ACACB: variants seen among roughly 807,000 people sequenced by gnomAD.
ACACB encodes the protein acetyl-CoA carboxylase 2.
Under a neutral mutation model 278.8 loss-of-function variants are expected in ACACB, and 209 were observed. That is an observed-to-expected ratio of 0.75 (90% confidence interval 0.67 to 0.84). The LOEUF (loss-of-function observed/expected upper bound fraction) is 0.84. Ranked by LOEUF, ACACB falls within the 40% of genes least tolerant of loss-of-function variation. The pLI is 0.00. For synonymous variants in ACACB, 1,174 were observed against 1,285.6 expected (o/e 0.91, Z 1.86); for missense variants, 2,850 against 3,269.0 (o/e 0.87, Z 3.13).
intron 18 of ACACB, among the ~76,000 whole-genome samples, 190 bp from the exon 19 acceptor site, chr12:109,201,377 T>G (rs761094124): frequency 2.6e-5 from 4 of 152,194 alleles, no homozygotes; most frequent in African/African-American, 4.8e-5. Context: ...GGCACTTGCC[T>G]GGCACTTAGC....
intron 16 of ACACB, among the ~76,000 whole-genome samples, chr12:109,196,673 G>T (rs2045141077): frequency 6.6e-6 from 1 of 152,166 alleles, no homozygotes; most frequent in Admixed American, 6.5e-5. Flanking sequence ...GAGTCTCCAG[G>T]GCTGCCTCAC....
intron 22 of ACACB, among the ~76,000 whole-genome samples, chr12:109,214,314 C>G (rs2045932767): frequency 6.6e-6 from 1 of 152,058 alleles, no homozygotes; most frequent in South Asian, 2.1e-4. Context: ...CCAGTAAATT[C>G]CAGGCATGTT....
At position 109,139,409 on chromosome 12, in the gene ACACB, G is replaced by A; in HGVS notation, c.4G>A (p.Val2Ile). 1 of 1,611,422 alleles carries A rather than the reference G, an allele frequency of 6.2e-7. No homozygotes were observed. Among genetic ancestry groups the A allele is most frequent in the Admixed American group, 1.7e-5 (1 of 59,528 alleles). Residue 2 changes from valine to isoleucine, a missense_variant, in exon 2 of 53, where the codon GTC (valine) becomes ATC (isoleucine). Transcript: ENST00000338432. ...TTTCTCCTTACAGATTTTCTGAATG[G>A]TCTTGCTTCTTTGTCTATCTTGTCT... The part of the protein sequence containing the change: M[V>I]LLLCLSCLIF...
chr12:109,193,224 T>G (rs1227381931), intron 15 of ACACB, among the ~76,000 whole-genome samples: 1 of 146,940 alleles, frequency 6.8e-6, no homozygotes, highest in East Asian at 1.9e-4. Context: ...AGCCTTTTTT[T>G]TTTTTTTTTT....
chr12:109,115,990 A>G (rs1223774827), upstream of ACACB, among the ~76,000 whole-genome samples: 1 of 152,232 alleles, frequency 6.6e-6, no homozygotes, highest in Non-Finnish European at 1.5e-5. Flanking sequence ...TTTGTCCCAC[A>G]TGCCAGCCCT....
At chr12:109,143,878 G>A (rs948740192) in intron 2 of ACACB, among the ~76,000 whole-genome samples, 4 of 152,114 alleles carry the variant, frequency 2.6e-5, no homozygotes, top group South Asian at 2.1e-4. Context: ...TGGAAACAAC[G>A]CATATCAAAA....
chr12:109,123,195 A>T (rs1054125248), intron 1 of ACACB, among the ~76,000 whole-genome samples: 46 of 151,734 alleles, frequency 3.0e-4, no homozygotes, highest in Middle Eastern at 3.4e-3. Flanking sequence ...AAAAAAAAAA[A>T]ATTTTTAAAC....
At chr12:109,230,579 C>T (rs1317128364) in intron 28 of ACACB, among the ~76,000 whole-genome samples, 2 of 152,248 alleles carry the variant, frequency 1.3e-5, no homozygotes, top group African/African-American at 2.4e-5. Context: ...TGCGCCACCA[C>T]ACCTGGCTAA....
rs749480527 is a variant in ACACB, at chr12:109,249,969, T to G, written c.5670-15T>G. Reference sequence around the variant, plus strand: ...GGGCTAGAGCCCAGCCTTTAACCTGTGCTTGCTTTTGAAGATACATGATCA... The same window carrying G: ...GGGCTAGAGCCCAGCCTTTAACCTGGGCTTGCTTTTGAAGATACATGATCA... On this transcript the variant is annotated splice_polypyrimidine_tract_variant and intron_variant, in intron 40 of 52. Transcript: ENST00000338432. The G allele has an allele frequency of 2.5e-6, 4 of 1,609,706 alleles. No individual in the cohort carries two copies. Among genetic ancestry groups the G allele is most frequent in the Non-Finnish European group, 3.4e-6 (4 of 1,178,478 alleles).
At chr12:109,123,096 G>T (rs1011896009) in intron 1 of ACACB, among the ~76,000 whole-genome samples, 2 of 151,126 alleles carry the variant, frequency 1.3e-5, no homozygotes, top group African/African-American at 4.9e-5. Context: ...CAGGAGAATG[G>T]CATGAACCCA....
intron 40 of ACACB, among the ~76,000 whole-genome samples, chr12:109,248,652 C>G (rs996698660): frequency 8.5e-5 from 13 of 152,216 alleles, no homozygotes; most frequent in Non-Finnish European, 1.5e-4. Context: ...CCTGCTTTTT[C>G]TAGCCGCGCT....
chr12:109,155,756 A>G (rs2043514545), intron 2 of ACACB, among the ~76,000 whole-genome samples: 1 of 151,898 alleles, frequency 6.6e-6, no homozygotes, highest in Non-Finnish European at 1.5e-5. Flanking sequence ...TGGTTTTTTC[A>G]TGTTTAAGTG....
chr12:109,222,786 C>A lies in ACACB; in HGVS notation c.3679-13C>A, dbSNP rs1470613969. 6.2e-7 allele frequency: 1 copy of A among 1,607,116 alleles called. No homozygotes were observed. The highest frequency in any genetic ancestry group is 8.5e-7 in the Non-Finnish European group (1 of 1,174,196). On this transcript the variant is annotated splice_polypyrimidine_tract_variant and intron_variant, in intron 25 of 52. Transcript: ENST00000338432. ...GTTGGCTCACGCCAGCGCCCCCATCCCTCCCCCTGCAGATCCTGATTGCCT... is the reference window on the plus strand; with the variant it reads ...GTTGGCTCACGCCAGCGCCCCCATCACTCCCCCTGCAGATCCTGATTGCCT...
intron 39 of ACACB, 113 bp from the exon 40 acceptor site, chr12:109,247,493 G>C: frequency 1.4e-6 from 1 of 736,752 alleles, no homozygotes; most frequent in South Asian, 1.6e-5. Context: ...TCATTGACAT[G>C]TTACTAACAT....
In ACACB at chr12:109,200,127, C is replaced by T. The variant is rs550322107; in HGVS notation, c.2778+575C>T. ...AAACTGGGTACAGAGAATATGGAAA[C>T]TCTCTGTACTATTTACATAACTGTT... On this transcript the variant is annotated intron_variant, in intron 18 of 52. Transcript: ENST00000338432. Among the ~76,000 whole-genome samples, 4 of 151,384 alleles carry T rather than the reference C, an allele frequency of 2.6e-5. No individual in the cohort carries two copies. The South Asian group carries it at 8.4e-4, about 32-fold the overall frequency.
In ACACB at chr12:109,210,261, G is replaced by GTATATGTA. The variant is rs2045746140; in HGVS notation, c.3249+909_3249+916dup. ...TATATGTATATATACACACATGTGT[G>GTATATGTA]TATATGTACATATACACACACATAT... On this transcript the variant is annotated intron_variant, in intron 21 of 52. Coordinates refer to ENST00000338432, the MANE Select transcript of ACACB (RefSeq NM_001093.4). Among the ~76,000 whole-genome samples the GTATATGTA allele has an allele frequency of 2.9e-4, 13 of 45,044 alleles. No homozygotes were observed. In the East Asian group the frequency reaches 3.1e-3, roughly 11 times the overall value. The allele number at this position is 45,044 out of a possible 152,430, so 29.6% of individuals were successfully genotyped here.
chr12:109,208,329 C>T (rs1443123121), intron 20 of ACACB, among the ~76,000 whole-genome samples: 2 of 151,736 alleles, frequency 1.3e-5, no homozygotes, highest in African/African-American at 4.8e-5. Context: ...AATCATCCCA[C>T]TTCAGCCTTC....
chr12:109,186,033 C>T (rs940343548), intron 12 of ACACB, among the ~76,000 whole-genome samples: 17 of 152,240 alleles, frequency 1.1e-4, no homozygotes, highest in Middle Eastern at 3.4e-3. Context: ...CAGGTTCAAG[C>T]GATTCTCCTG....
chr12:109,189,144 G>C (rs1375931621), intron 13 of ACACB, among the ~76,000 whole-genome samples: 1 of 152,116 alleles, frequency 6.6e-6, no homozygotes, highest in Non-Finnish European at 1.5e-5. Flanking sequence ...TATAAAACTA[G>C]TTTACTTTGT....
Sources: allele counts gnomAD v4.1 joint callset (sites outside exome capture counted in the v4.1 genomes callset), GRCh38; gene constraint gnomAD v4.1.1; transcripts MANE v1.5; gene names NCBI Gene and HGNC (gene_info 2026-07-23, HGNC 2026-07-21).